The following DCBLD2 variants were observed in gnomAD, a reference collection of about 807,000 sequenced individuals.
The protein encoded by DCBLD2 is discoidin, CUB and LCCL domain containing 2, also known as discoidin, CUB and LCCL domain-containing protein 2.
Under a neutral mutation model 86.8 loss-of-function variants are expected in DCBLD2, and 54 were observed. The ratio of observed to expected loss-of-function variants is 0.62; its 90% CI spans 0.50 to 0.78. DCBLD2 has a LOEUF of 0.78. DCBLD2 is among the 30% of genes least tolerant of loss of function. The probability of loss-of-function intolerance (pLI) is 0.00; values close to 1 mark genes in which losing one functional copy is unlikely to be tolerated. For synonymous variants in DCBLD2, 354 were observed against 341.3 expected (o/e 1.04, Z -0.41); for missense variants, 908 against 954.2 (o/e 0.95, Z 0.64).
Position 98,901,426 on chromosome 3 carries a change from G to T in DCBLD2, c.-100C>A. ...CCAGGAGACGGCGGCAGCGGCGGGAGAACAAGAGGCAGCCCTCGCCTCACC... is the reference window on the plus strand; with the variant it reads ...CCAGGAGACGGCGGCAGCGGCGGGATAACAAGAGGCAGCCCTCGCCTCACC... On this transcript the variant is annotated 5_prime_UTR_variant, in exon 1 of 16. Coordinates refer to ENST00000326840, the MANE Select transcript of DCBLD2 (RefSeq NM_080927.4). 8.4e-7 allele frequency: 1 copy of T among 1,191,010 alleles called. No homozygotes were observed. The highest frequency in any genetic ancestry group is 3.5e-5 in the South Asian group (1 of 28,756). The allele number at this position is 1,191,010 out of a possible 1,614,324, so 73.8% of individuals were successfully genotyped here.
intron 4 of DCBLD2, 79 bp from the exon 5 acceptor site, chr3:98,822,820 G>A (rs913428689): frequency 1.4e-5 from 18 of 1,270,580 alleles, no homozygotes; most frequent in Non-Finnish European, 1.8e-5. Context: ...AAATATCACA[G>A]ACACATTTTT....
chr3:98,829,411 A>G (rs760915599), intron 3 of DCBLD2, among the ~76,000 whole-genome samples: 8 of 152,248 alleles, frequency 5.3e-5, no homozygotes, highest in Non-Finnish European at 8.8e-5. Flanking sequence ...AGCATCCCAC[A>G]GTTATTGTTT....
At chr3:98,824,614 T>C (rs1216337294) in intron 4 of DCBLD2, among the ~76,000 whole-genome samples, 1 of 152,018 alleles carries the variant, frequency 6.6e-6, no homozygotes, top group African/African-American at 2.4e-5. Flanking sequence ...AGGCAAGTGG[T>C]TCCTGGTAAA....
chr3:98,879,427 C>A (rs142287512), intron 2 of DCBLD2, among the ~76,000 whole-genome samples: 97 of 152,228 alleles, frequency 6.4e-4, no homozygotes, highest in African/African-American at 2.2e-3. Context: ...TGCTCTGTCA[C>A]CCAGGCTGGA....
chr3:98,843,022 A>C (rs567058784), intron 3 of DCBLD2, among the ~76,000 whole-genome samples: 1 of 152,234 alleles, frequency 6.6e-6, no homozygotes, highest in Non-Finnish European at 1.5e-5. Flanking sequence ...GGTTTATCTA[A>C]CAGCTTGGAA....
At chr3:98,802,382 C>A (rs573161962) in intron 13 of DCBLD2, among the ~76,000 whole-genome samples, 10 of 152,070 alleles carry the variant, frequency 6.6e-5, no homozygotes, top group African/African-American at 2.2e-4. Flanking sequence ...TCATATCTTT[C>A]GCCCACTTGT....
At chr3:98,834,235 T>C (rs1942382545) in intron 3 of DCBLD2, among the ~76,000 whole-genome samples, 1 of 149,290 alleles carries the variant, frequency 6.7e-6, no homozygotes, top group Non-Finnish European at 1.5e-5. Flanking sequence ...AATACATTCA[T>C]AGAATTCACA....
chr3:98,896,843 G>A (rs758911947), intron 1 of DCBLD2, among the ~76,000 whole-genome samples: 1 of 152,124 alleles, frequency 6.6e-6, no homozygotes, highest in African/African-American at 2.4e-5. Flanking sequence ...TCTTTATGAA[G>A]CTTTTCCTCA....
chr3:98,838,095 C>T (rs1576173074), intron 3 of DCBLD2, among the ~76,000 whole-genome samples: 2 of 139,944 alleles, frequency 1.4e-5, no homozygotes, highest in East Asian at 2.2e-4. Context: ...AGGCCGGGGG[C>T]TGAACCCCCC....
chr3:98,844,041 C>CACACACACACAT, intron 3 of DCBLD2, among the ~76,000 whole-genome samples: 1 of 148,314 alleles, frequency 6.7e-6, no homozygotes, highest in East Asian at 2.0e-4. Context: ...CATGCACACA[C>CACACACACACAT]ACACACACAC....
Position 98,797,709 on chromosome 3 carries a change from G to A in DCBLD2, c.*1663C>T, listed in dbSNP as rs531020845. 1.2e-4 allele frequency: 18 copies of A among 152,312 alleles called. 1 individual carries two copies. Among genetic ancestry groups the A allele is most frequent in the African/African-American group, 4.1e-4 (17 of 41,576 alleles). The allele number at this position is 152,312 out of a possible 1,614,324, so 9.4% of individuals were successfully genotyped here. On this transcript the variant is annotated 3_prime_UTR_variant, in exon 16 of 16. Coordinates refer to ENST00000326840, the MANE Select transcript of DCBLD2 (RefSeq NM_080927.4). ...CATACCACAAAAGGACAGGAAGCCTGCAGAAATAAACAGTTCTCTTTCTGA... is the reference window on the plus strand; with the variant it reads ...CATACCACAAAAGGACAGGAAGCCTACAGAAATAAACAGTTCTCTTTCTGA...
intron 2 of DCBLD2, among the ~76,000 whole-genome samples, chr3:98,849,800 A>T (rs981501250): frequency 4.1e-4 from 62 of 152,252 alleles, no homozygotes; most frequent in African/African-American, 1.4e-3. Flanking sequence ...ATGATTCAAA[A>T]GGAAAAGCAG....
intron 3 of DCBLD2, among the ~76,000 whole-genome samples, chr3:98,839,120 T>TCTTTCTTTC (rs1559781363): frequency 6.0e-5 from 2 of 33,192 alleles, no homozygotes; most frequent in Admixed American, 5.7e-4. Flanking sequence ...TTTCTTTCTT[T>TCTTTCTTTC]TTCTTTCTTT....
chr3:98,830,577 C>T (rs1095913), intron 3 of DCBLD2, among the ~76,000 whole-genome samples: 149,728 of 152,284 alleles, frequency 0.98, 73,665 homozygotes, highest in Middle Eastern at 1. Context: ...GTGCTCTCTA[C>T]TCTGTTCTAT....
rs549110507 is a variant in DCBLD2 at position 98,841,358 on chromosome 3, T to A, written c.571+8103A>T. 3.8e-3 allele frequency among the ~76,000 whole-genome samples: 576 copies of A among 152,112 alleles called. 4 individuals are homozygous for A. The highest frequency in any genetic ancestry group is 0.013 in the African/African-American group (529 of 41,502). ...ATCTGCCATAACTGATATATACATT[T>A]AAAAAAAATAAAGTACAATTAAAAA... On this transcript the variant is annotated intron_variant, in intron 3 of 15. Transcript: ENST00000326840.
At chr3:98,831,768 A>T (rs1942327712) in intron 3 of DCBLD2, among the ~76,000 whole-genome samples, 1 of 151,536 alleles carries the variant, frequency 6.6e-6, no homozygotes. Flanking sequence ...CATTTTTTTT[A>T]GTTTTGATTT....
intron 14 of DCBLD2, 139 bp downstream of exon 14, chr3:98,801,461 A>G: frequency 1.8e-6 from 1 of 551,986 alleles, no homozygotes; most frequent in Non-Finnish European, 3.1e-6. Context: ...AAATGGTGAG[A>G]ACTGAAGAGT....
Position 98,801,709 on chromosome 3 carries a change from C to A in DCBLD2, c.1671-60G>T. The A allele has an allele frequency of 2.3e-6, 3 of 1,332,592 alleles. No individual in the cohort carries two copies. The South Asian group carries it at 4.0e-5, about 18-fold the overall frequency. 82.5% of individuals were successfully genotyped at this position (1,332,592 alleles called of 1,614,324 possible). On this transcript the variant is annotated intron_variant, in intron 13 of 15. Transcript: ENST00000326840. Reference sequence around the variant, plus strand: ...GTAAATTCACTGGTAAGCCTGCTCCCCCTACCCCATGACAGGCCTTGGTAT... The same window carrying A: ...GTAAATTCACTGGTAAGCCTGCTCCACCTACCCCATGACAGGCCTTGGTAT...
Position 98,799,764 on chromosome 3 carries a change from C to T in DCBLD2, c.1936G>A (p.Glu646Lys). Reference sequence around the variant, plus strand: ...GGATCTAGGTCTGCATAGCCTGCTTCTTTTCCTTCTTCTGGTTTAAAGGTA... The same window carrying T: ...GGATCTAGGTCTGCATAGCCTGCTTTTTTTCCTTCTTCTGGTTTAAAGGTA... The part of the protein sequence containing the change: ...RSTFKPEEGK[E>K]AGYADLDPYN... The change falls in exon 16 of 16, where the codon GAA becomes AAA. Residue 646 changes from glutamate to lysine, a missense_variant. Transcript: ENST00000326840. The T allele has an allele frequency of 1.2e-6, 2 of 1,613,950 alleles. No individual in the cohort carries two copies. Among genetic ancestry groups the T allele is most frequent in the Non-Finnish European group, 1.7e-6 (2 of 1,179,876 alleles).
Sources: gnomAD v4.1 joint callset for allele counts (sites outside exome capture counted in the v4.1 genomes callset) on GRCh38, gnomAD v4.1.1 for gene constraint, MANE v1.5 for transcripts, NCBI Gene and HGNC (gene_info 2026-07-23, HGNC 2026-07-21) for gene names.